HDAC9: variants seen among roughly 807,000 people sequenced by gnomAD.
HDAC9 encodes histone deacetylase 9.
A neutral mutation model predicts 139.4 loss-of-function variants in HDAC9; 41 were observed. The ratio of observed to expected loss-of-function variants is 0.29; its 90% CI spans 0.23 to 0.38. The LOEUF (loss-of-function observed/expected upper bound fraction) is 0.38. HDAC9 is among the 10% of genes least tolerant of loss of function. The pLI, the probability that HDAC9 is intolerant of heterozygous loss-of-function variation, is 1.00. For missense variants in HDAC9, 1,147 were observed against 1,297.0 expected (o/e 0.88, Z 1.78); for synonymous variants, 517 against 476.2 (o/e 1.09, Z -1.12).
intron 6 of HDAC9, among the ~76,000 whole-genome samples, chr7:18,617,940 A>T (rs1839115782): frequency 1.3e-5 from 2 of 152,206 alleles, no homozygotes. Flanking sequence ...GATGACTGTA[A>T]CTGGGTAAAT....
intron 1 of HDAC9, among the ~76,000 whole-genome samples, chr7:18,444,762 A>G (rs938020199): frequency 6.6e-6 from 1 of 152,188 alleles, no homozygotes; most frequent in African/African-American, 2.4e-5. Context: ...AAATTTTCGC[A>G]TTGGTTGACT....
intron 14 of HDAC9, among the ~76,000 whole-genome samples, chr7:18,759,372 G>A (rs368450323): frequency 6.6e-6 from 1 of 152,052 alleles, no homozygotes; most frequent in Admixed American, 6.6e-5. Flanking sequence ...GAACAGCAGC[G>A]ACATTAGATT....
intron 1 of HDAC9, among the ~76,000 whole-genome samples, chr7:18,489,158 C>T (rs1563039560): frequency 6.6e-6 from 1 of 152,076 alleles, no homozygotes; most frequent in East Asian, 1.9e-4. Flanking sequence ...TATTGAGTGA[C>T]ATACTATGTG....
chr7:18,157,804 T>TGAGAGAGAGAGAGA lies in HDAC9; in HGVS notation c.-96-4390_-96-4377dup, dbSNP rs67690215. Among the ~76,000 whole-genome samples the TGAGAGAGAGAGAGA allele has an allele frequency of 4.6e-4, 50 of 109,526 alleles. 1 individual carries two copies. The highest frequency in any genetic ancestry group is 8.7e-4 in the African/African-American group (24 of 27,612). 71.9% of individuals were successfully genotyped at this position (109,526 alleles called of 152,430 possible). A position where few individuals can be genotyped will look rare whatever the true frequency, so the allele number is the denominator to read the frequency against. On this transcript the variant is annotated intron_variant, in intron 1 of 12. Transcript: ENST00000417496. ...CAGCAGAATTTCAGGTTCTAAGGCA[T>TGAGAGAGAGAGAGA]GAGAGAGAGAGAGAGAGAGAGAGAG...
chr7:18,371,885 A>T (rs1784620841), intron 1 of HDAC9, among the ~76,000 whole-genome samples: 2 of 152,188 alleles, frequency 1.3e-5, no homozygotes, highest in African/African-American at 2.4e-5. Flanking sequence ...GACATTGGTC[A>T]TATGTCTTTC....
intron 17 of HDAC9, among the ~76,000 whole-genome samples, chr7:18,822,286 A>T (rs950407355): frequency 6.6e-6 from 1 of 152,152 alleles, no homozygotes; most frequent in Non-Finnish European, 1.5e-5. Flanking sequence ...TCTCATTAAC[A>T]TACAAAAAGA....
chr7:18,119,714 T>G (rs1473233768), intron 1 of HDAC9, among the ~76,000 whole-genome samples: 1 of 152,204 alleles, frequency 6.6e-6, no homozygotes, highest in Non-Finnish European at 1.5e-5. Flanking sequence ...GAAATATCTG[T>G]TGGACTGAAA....
chr7:18,792,004 T>C lies in HDAC9; in HGVS notation c.2215-1341T>C, dbSNP rs79774821. ...TGAAGCCATGATTTTACCCCACCAG[T>C]TTGATTCCAGAAACTTCACTACTAT... On this transcript the variant is annotated intron_variant, in intron 16 of 25. Coordinates refer to ENST00000686413, the MANE Select transcript of HDAC9 (RefSeq NM_178425.4). 3.3e-3 allele frequency among the ~76,000 whole-genome samples: 503 copies of C among 152,272 alleles called. 2 individuals carry two copies. Among genetic ancestry groups the C allele is most frequent in the African/African-American group, 0.011 (468 of 41,550 alleles).
At chr7:18,904,572 CTTTTTT>C (rs71017010) in intron 22 of HDAC9, among the ~76,000 whole-genome samples, 1 of 71,942 alleles carries the variant, frequency 1.4e-5, no homozygotes, top group African/African-American at 6.0e-5. Context: ...CTCCCCATTT[CTTTTTT>C]TTTTTTTTTT....
chr7:18,273,830 A>G (rs1796543997), intron 2 of HDAC9, among the ~76,000 whole-genome samples: 1 of 152,236 alleles, frequency 6.6e-6, no homozygotes, highest in South Asian at 2.1e-4. Flanking sequence ...CCAAATGTCT[A>G]CTAAGCAGCC....
intron 2 of HDAC9, among the ~76,000 whole-genome samples, chr7:18,193,547 A>T (rs117883205): frequency 0.011 from 1,614 of 152,294 alleles, 8 homozygotes; most frequent in Non-Finnish European, 0.015. Context: ...ACAATATGCT[A>T]CTTGGAAATC....
At chr7:18,099,432 C>T (rs754656583) in intron 1 of HDAC9, among the ~76,000 whole-genome samples, 8 of 151,932 alleles carry the variant, frequency 5.3e-5, no homozygotes, top group Non-Finnish European at 1.0e-4. Context: ...TGCATCACTG[C>T]ACTCCAGCCT....
intron 1 of HDAC9, among the ~76,000 whole-genome samples, chr7:18,467,400 C>T (rs1012159172): frequency 1.3e-5 from 2 of 152,166 alleles, no homozygotes; most frequent in Non-Finnish European, 2.9e-5. Context: ...CAGGCCTCTG[C>T]TGCTTTCTCT....
intron 12 of HDAC9, among the ~76,000 whole-genome samples, chr7:18,701,379 C>T (rs1783459857): frequency 7.1e-6 from 1 of 140,594 alleles, no homozygotes; most frequent in African/African-American, 2.8e-5. Context: ...GACATTGATT[C>T]TGTTGTGGCG....
chr7:18,201,148 G>A (rs964851154), intron 2 of HDAC9, among the ~76,000 whole-genome samples: 6 of 152,048 alleles, frequency 3.9e-5, no homozygotes, highest in Non-Finnish European at 7.4e-5. Flanking sequence ...AAGTCTATCC[G>A]GCTGCTGAAA....
At chr7:18,514,366 T>C (rs901170041) in intron 2 of HDAC9, among the ~76,000 whole-genome samples, 2 of 152,208 alleles carry the variant, frequency 1.3e-5, no homozygotes, top group African/African-American at 4.8e-5. Context: ...AAATATAAAG[T>C]TGTATCGTTA....
chr7:18,872,776 T>C (rs1048219140), intron 21 of HDAC9, among the ~76,000 whole-genome samples: 1 of 152,082 alleles, frequency 6.6e-6, no homozygotes, highest in African/African-American at 2.4e-5. Context: ...ATGGAGAAGA[T>C]AGTATGTGAA....
At chr7:18,633,941 CTT>C (rs1319939570) in intron 7 of HDAC9, among the ~76,000 whole-genome samples, 5 of 152,022 alleles carry the variant, frequency 3.3e-5, no homozygotes, top group African/African-American at 4.8e-5. Flanking sequence ...TGTTGCCTGA[CTT>C]TTGCTAAAAG....
At chr7:18,388,760 T>C (rs1263777629) in intron 1 of HDAC9, among the ~76,000 whole-genome samples, 3 of 152,304 alleles carry the variant, frequency 2.0e-5, no homozygotes, top group African/African-American at 7.2e-5. Flanking sequence ...TTAGCTACAA[T>C]ACTATTTTTG....
Sources: allele counts gnomAD v4.1 joint callset (sites outside exome capture counted in the v4.1 genomes callset), GRCh38; gene constraint gnomAD v4.1.1; transcripts MANE v1.5; gene names NCBI Gene and HGNC (gene_info 2026-07-23, HGNC 2026-07-21).